The following ADAMTS12 variants were observed in gnomAD, a reference collection of about 807,000 sequenced individuals.
The protein encoded by ADAMTS12 is A disintegrin and metalloproteinase with thrombospondin motifs 12.
Under a neutral mutation model 167.8 loss-of-function variants are expected in ADAMTS12, and 118 were observed. The observed-to-expected ratio is 0.70, with a 90% CI of 0.61 to 0.82. The LOEUF (loss-of-function observed/expected upper bound fraction) is 0.82. Ranked by LOEUF, ADAMTS12 falls within the 40% of genes least tolerant of loss-of-function variation. The pLI is 0.00. For synonymous variants in ADAMTS12, 704 were observed against 716.9 expected, an observed-to-expected ratio of 0.98 and a Z score of 0.29; for missense variants, 1,916 against 1,998.8, an observed-to-expected ratio of 0.96 and a Z score of 0.79.
At chr5:33,734,937 C>A (rs889881025) in intron 3 of ADAMTS12, among the ~76,000 whole-genome samples, 3 of 152,210 alleles carry the variant, frequency 2.0e-5, no homozygotes, top group African/African-American at 7.2e-5. Flanking sequence ...TACCTTACTG[C>A]AAGATACCTT....
At position 33,588,603 on chromosome 5, in the gene ADAMTS12, C is replaced by A; in HGVS notation, c.2861G>T (p.Ser954Ile). The A allele has an allele frequency of 6.2e-7, 1 of 1,614,184 alleles. No homozygotes were observed. The highest frequency in any genetic ancestry group is 8.5e-7 in the Non-Finnish European group (1 of 1,180,018). The change falls in exon 18 of 24, where the codon AGT becomes ATT. Residue 954 changes from serine to isoleucine, a missense_variant. By Grantham distance (142) the Ser-to-Ile change is moderately radical. Coordinates refer to ENST00000504830, the MANE Select transcript of ADAMTS12 (RefSeq NM_030955.4). ...CCCGCCGAGCCCTGAGCTCACCTCACTCCAGTTGCCCACTGTCCAGTCCGA... is the reference window on the plus strand; with the variant it reads ...CCCGCCGAGCCCTGAGCTCACCTCAATCCAGTTGCCCACTGTCCAGTCCGA... ...CPSDWTVGNW[S>I]ECSVSCGGGV...
intron 22 of ADAMTS12, among the ~76,000 whole-genome samples, chr5:33,542,905 A>T (rs898293628): frequency 6.6e-6 from 1 of 152,216 alleles, no homozygotes; most frequent in Non-Finnish European, 1.5e-5. Context: ...CCCACAAGAG[A>T]AAGCAGGAAA....
chr5:33,568,766 G>A (rs930225549), intron 19 of ADAMTS12, among the ~76,000 whole-genome samples: 23 of 152,316 alleles, frequency 1.5e-4, no homozygotes, highest in African/African-American at 4.8e-4. Flanking sequence ...GCAGCGCACC[G>A]TGCACCAGCC....
intron 3 of ADAMTS12, among the ~76,000 whole-genome samples, chr5:33,747,034 C>T (rs1744814823): frequency 6.6e-6 from 1 of 152,222 alleles, no homozygotes; most frequent in South Asian, 2.1e-4. Context: ...ATATTTCCTA[C>T]TGGTTGTTCT....
At chr5:33,824,658 G>A (rs1747992196) in intron 2 of ADAMTS12, among the ~76,000 whole-genome samples, 1 of 152,130 alleles carries the variant, frequency 6.6e-6, no homozygotes, top group African/African-American at 2.4e-5. Flanking sequence ...GCTGTCTAGG[G>A]GCAGGCCATC....
intron 3 of ADAMTS12, among the ~76,000 whole-genome samples, chr5:33,689,488 C>A (rs78643504): frequency 6.6e-6 from 1 of 152,002 alleles, no homozygotes; most frequent in Non-Finnish European, 1.5e-5. Context: ...CCCCACCAGT[C>A]TTCAGCAATG....
intron 16 of ADAMTS12, among the ~76,000 whole-genome samples, chr5:33,609,113 A>C (rs1738590095): frequency 6.6e-6 from 1 of 152,174 alleles, no homozygotes; most frequent in Non-Finnish European, 1.5e-5. Context: ...GCCAACAAGG[A>C]GGGGTTGTCA....
intron 2 of ADAMTS12, among the ~76,000 whole-genome samples, chr5:33,773,313 G>T (rs1483689295): frequency 1.3e-5 from 2 of 152,192 alleles, no homozygotes; most frequent in African/African-American, 4.8e-5. Context: ...AGTAGGCAGA[G>T]AAGTTTTCAT....
At chr5:33,824,476 T>C (rs1403857835) in intron 2 of ADAMTS12, among the ~76,000 whole-genome samples, 4 of 152,164 alleles carry the variant, frequency 2.6e-5, no homozygotes, top group Non-Finnish European at 4.4e-5. Flanking sequence ...TGGAGCAAGT[T>C]AGTCCATATA....
intron 19 of ADAMTS12, among the ~76,000 whole-genome samples, chr5:33,573,865 T>C (rs1465694969): frequency 6.6e-6 from 1 of 151,976 alleles, no homozygotes; most frequent in South Asian, 2.1e-4. Context: ...AGGGCTAATA[T>C]CCAGAATCTA....
At chr5:33,790,968 G>C (rs889198098) in intron 2 of ADAMTS12, among the ~76,000 whole-genome samples, 1 of 151,976 alleles carries the variant, frequency 6.6e-6, no homozygotes, top group East Asian at 1.9e-4. Flanking sequence ...GTTAACATTG[G>C]TCAGAGGGTT....
Position 33,830,326 on chromosome 5 carries a change from T to C in ADAMTS12, c.489+50793A>G, listed in dbSNP as rs1031304649. On this transcript the variant is annotated intron_variant, in intron 2 of 23. Transcript: ENST00000504830. ...TAAGACAACTGGAATATAAACTTGA[T>C]CGATATCACAATTTGATATAAGACT... Among the ~76,000 whole-genome samples, 11 of 152,132 alleles carry C rather than the reference T, an allele frequency of 7.2e-5. 1 individual carries two copies. Among genetic ancestry groups the C allele is most frequent in the Non-Finnish European group, 1.6e-4 (11 of 68,018 alleles).
intron 23 of ADAMTS12, among the ~76,000 whole-genome samples, chr5:33,530,225 C>A (rs908478368): frequency 1.3e-5 from 2 of 152,214 alleles, no homozygotes; most frequent in South Asian, 4.1e-4. Flanking sequence ...TGTGCCTGGC[C>A]TTGTTTTTCT....
intron 12 of ADAMTS12, among the ~76,000 whole-genome samples, chr5:33,634,209 A>G (rs970266787): frequency 6.6e-5 from 10 of 152,178 alleles, no homozygotes; most frequent in East Asian, 1.9e-4. Context: ...CTGGAAAGTG[A>G]GTTTCATCAT....
At chr5:33,868,995 G>A (rs1407432308) in intron 2 of ADAMTS12, among the ~76,000 whole-genome samples, 1 of 152,182 alleles carries the variant, frequency 6.6e-6, no homozygotes. Context: ...CAAGCTAGCT[G>A]TAGAAATTTG....
At chr5:33,616,222 T>A in intron 14 of ADAMTS12, 150 bp from the exon 15 acceptor site, 1 of 1,062,828 alleles carries the variant, frequency 9.4e-7, no homozygotes, top group Non-Finnish European at 1.3e-6. Context: ...AAGCACTACT[T>A]ATGGGGGATT....
intron 3 of ADAMTS12, among the ~76,000 whole-genome samples, chr5:33,746,511 A>G (rs929506628): frequency 6.6e-6 from 1 of 152,248 alleles, no homozygotes; most frequent in Non-Finnish European, 1.5e-5. Context: ...ATTTCGTGCA[A>G]TAGACAAGAT....
chr5:33,716,976 A>T (rs1334330795), intron 3 of ADAMTS12, among the ~76,000 whole-genome samples: 4 of 152,142 alleles, frequency 2.6e-5, no homozygotes, highest in African/African-American at 9.7e-5. Context: ...CCAAAGCAGA[A>T]TCCTTATTTT....
intron 2 of ADAMTS12, among the ~76,000 whole-genome samples, chr5:33,879,263 T>A (rs1200447365): frequency 6.6e-6 from 1 of 151,868 alleles, no homozygotes; most frequent in Non-Finnish European, 1.5e-5. Flanking sequence ...GTGCAGCCCA[T>A]GGGTTTGTCT....
Sources: gnomAD v4.1 joint callset for allele counts (sites outside exome capture counted in the v4.1 genomes callset) on GRCh38, gnomAD v4.1.1 for gene constraint, MANE v1.5 for transcripts, NCBI Gene and HGNC (gene_info 2026-07-23, HGNC 2026-07-21) for gene names.